Variants in UBE2E2 observed in about 807,000 individuals in gnomAD.
UBE2E2 encodes the protein ubiquitin conjugating enzyme E2 E2, also known as ubiquitin-conjugating enzyme E2 E2.
Under a neutral mutation model 24.7 loss-of-function variants are expected in UBE2E2, and 6 were observed. That is an observed-to-expected ratio of 0.24 (90% CI 0.13 to 0.48). The LOEUF (loss-of-function observed/expected upper bound fraction) is 0.48. UBE2E2 is among the 20% of genes least tolerant of loss of function. The pLI, the probability that UBE2E2 is intolerant of heterozygous loss-of-function variation, is 0.99. For synonymous variants in UBE2E2, 104 were observed against 83.6 expected (o/e 1.24, Z -1.33); for missense variants, 169 against 245.0 (o/e 0.69, Z 2.07).
chr3:23,497,319 A>G (rs1325008512), intron 3 of UBE2E2, among the ~76,000 whole-genome samples: 1 of 152,194 alleles, frequency 6.6e-6, no homozygotes, highest in Non-Finnish European at 1.5e-5. Flanking sequence ...ATATGCGAGA[A>G]CTGAGAGAGA....
chr3:23,230,356 A>G (rs1363052170), intron 3 of UBE2E2, among the ~76,000 whole-genome samples: 1 of 152,242 alleles, frequency 6.6e-6, no homozygotes, highest in African/African-American at 2.4e-5. Context: ...AACCAGGACT[A>G]GTATTCAGTC....
intron 3 of UBE2E2, among the ~76,000 whole-genome samples, chr3:23,342,780 G>T (rs1003199539): frequency 6.6e-6 from 1 of 152,264 alleles, no homozygotes; most frequent in South Asian, 2.1e-4. Context: ...ATAGAAATGG[G>T]AGGGGAAATT....
chr3:23,493,366 A>C (rs1159430533), intron 3 of UBE2E2, among the ~76,000 whole-genome samples: 2 of 152,244 alleles, frequency 1.3e-5, no homozygotes, highest in Non-Finnish European at 2.9e-5. Flanking sequence ...TGTAGGCTGC[A>C]GCATGGGAAG....
chr3:23,482,329 C>G (rs1699275286), intron 3 of UBE2E2, among the ~76,000 whole-genome samples: 2 of 152,040 alleles, frequency 1.3e-5, no homozygotes, highest in Admixed American at 1.3e-4. Flanking sequence ...TATGAATATA[C>G]CAAAAGCCAA....
At chr3:23,334,676 A>G (rs1184975669) in intron 3 of UBE2E2, among the ~76,000 whole-genome samples, 6 of 152,224 alleles carry the variant, frequency 3.9e-5, no homozygotes, top group East Asian at 1.9e-4. Context: ...CTGTACTAGC[A>G]TATTTTGGTA....
chr3:23,453,960 A>G (rs1028722180), intron 3 of UBE2E2, among the ~76,000 whole-genome samples: 2 of 152,222 alleles, frequency 1.3e-5, no homozygotes, highest in Admixed American at 6.5e-5. Flanking sequence ...AAAATAACTT[A>G]AAGGTATAGT....
intron 3 of UBE2E2, among the ~76,000 whole-genome samples, chr3:23,496,031 C>T (rs1482523863): frequency 6.6e-6 from 1 of 152,160 alleles, no homozygotes; most frequent in Admixed American, 6.6e-5. Flanking sequence ...TTGTTGTTCT[C>T]ATAACCACTA....
chr3:23,241,937 G>A (rs1186963440), intron 3 of UBE2E2, among the ~76,000 whole-genome samples: 1 of 152,210 alleles, frequency 6.6e-6, no homozygotes, highest in Admixed American at 6.5e-5. Context: ...ATAGAGACAA[G>A]GTCTTACTTT....
At chr3:23,260,789 C>T (rs2125353897) in intron 3 of UBE2E2, among the ~76,000 whole-genome samples, 1 of 152,220 alleles carries the variant, frequency 6.6e-6, no homozygotes. Flanking sequence ...GAAACCCTGT[C>T]TCAGGTGGGG....
At chr3:23,215,431 A>C (rs1696449599) in intron 2 of UBE2E2, among the ~76,000 whole-genome samples, 1 of 152,134 alleles carries the variant, frequency 6.6e-6, no homozygotes. Context: ...GGCACAATAG[A>C]TCAAATCTTT....
intron 3 of UBE2E2, among the ~76,000 whole-genome samples, chr3:23,237,195 CA>C (rs1682635291): frequency 6.6e-6 from 1 of 152,112 alleles, no homozygotes; most frequent in Non-Finnish European, 1.5e-5. Context: ...TATAAGGGCT[CA>C]AAAATTGTTA....
chr3:23,321,104 C>T (rs907125173), intron 3 of UBE2E2, among the ~76,000 whole-genome samples: 2 of 152,236 alleles, frequency 1.3e-5, no homozygotes, highest in African/African-American at 2.4e-5. Flanking sequence ...TTTGTATTTA[C>T]ACAGCATTTT....
At chr3:23,569,589 T>C (rs1231732835) in intron 5 of UBE2E2, among the ~76,000 whole-genome samples, 4 of 152,310 alleles carry the variant, frequency 2.6e-5, no homozygotes, top group Middle Eastern at 3.4e-3. Context: ...GCAGTGGTAT[T>C]TGGGAAAAGT....
chr3:23,240,038 A>G (rs1697216711), intron 3 of UBE2E2, among the ~76,000 whole-genome samples: 1 of 152,198 alleles, frequency 6.6e-6, no homozygotes, highest in Non-Finnish European at 1.5e-5. Context: ...TTTATGGATC[A>G]TAAAGGAGCC....
Position 23,307,358 on chromosome 3 carries a change from G to A in UBE2E2, c.227+90046G>A, listed in dbSNP as rs558748635. On this transcript the variant is annotated intron_variant, in intron 3 of 5. Transcript: ENST00000396703. Reference sequence around the variant, plus strand: ...GTTGAGTGTATTTAATTGTGGACCAGGTTACTTGAATCTCCTAAGGCATTA... The same window carrying A: ...GTTGAGTGTATTTAATTGTGGACCAAGTTACTTGAATCTCCTAAGGCATTA... Among the ~76,000 whole-genome samples the A allele has an allele frequency of 3.3e-5, 5 of 152,062 alleles. No individual in the cohort carries two copies. The South Asian group carries it at 1.0e-3, about 32-fold the overall frequency.
At chr3:23,557,057 T>G (rs1575705352) in intron 5 of UBE2E2, among the ~76,000 whole-genome samples, 2 of 152,160 alleles carry the variant, frequency 1.3e-5, no homozygotes, top group South Asian at 4.1e-4. Flanking sequence ...CTCCTAATAC[T>G]AAACATTGAA....
intron 3 of UBE2E2, among the ~76,000 whole-genome samples, chr3:23,238,876 G>A (rs1697185685): frequency 6.6e-6 from 1 of 152,096 alleles, no homozygotes; most frequent in Admixed American, 6.5e-5. Flanking sequence ...TCATGTCAGT[G>A]CTGAAAGTTT....
chr3:23,364,543 G>A (rs1280656405), intron 3 of UBE2E2, among the ~76,000 whole-genome samples: 1 of 151,972 alleles, frequency 6.6e-6, no homozygotes, highest in Non-Finnish European at 1.5e-5. Flanking sequence ...ATAAATGCCT[G>A]GAAACATACG....
chr3:23,465,023 A>C (rs1698891477), intron 3 of UBE2E2, among the ~76,000 whole-genome samples: 2 of 152,144 alleles, frequency 1.3e-5, no homozygotes. Context: ...TGACACACAA[A>C]TTTTCATCTT....
Sources: gnomAD v4.1 joint callset for allele counts (sites outside exome capture counted in the v4.1 genomes callset) on GRCh38, gnomAD v4.1.1 for gene constraint, MANE v1.5 for transcripts, NCBI Gene and HGNC (gene_info 2026-07-23, HGNC 2026-07-21) for gene names.